Variants in SULT1E1 observed in about 807,000 individuals in gnomAD.
SULT1E1 encodes the protein sulfotransferase 1E1.
In SULT1E1, 36 loss-of-function variants were observed where a neutral mutation model predicts 33.6. The observed-to-expected ratio is 1.07, with a 90% CI of 0.82 to 1.41. The LOEUF (loss-of-function observed/expected upper bound fraction) is 1.41, where lower values mean the gene tolerates loss of function less well. SULT1E1 is among the 40% of genes most tolerant of loss of function. The pLI is 0.00. For synonymous variants in SULT1E1, 121 were observed against 111.7 expected (o/e 1.08, Z -0.53); for missense variants, 371 against 345.7 (o/e 1.07, Z -0.58).
rs1315010797 is a variant in SULT1E1 at position 69,857,615 on chromosome 4, C to A, written c.30G>T (p.Lys10Asn). The A allele has an allele frequency of 1.9e-6, 3 of 1,607,912 alleles. No homozygotes were observed. Among genetic ancestry groups the A allele is most frequent in the Non-Finnish European group, 8.5e-7 (1 of 1,178,254 alleles). The change falls in exon 2 of 8, where the codon AAG becomes AAT. Residue 10 changes from lysine (K) to asparagine (N), a missense_variant. Transcript: ENST00000226444. MNSELDYYE[K>N]FEEVHGILMY... is the part of the protein sequence containing the mutation. ...TTAGAATCCCATGGACTTCTTCAAA[C>A]TTTTCATAATAGTCAAGTTCAGAAT...
At position 69,846,346 on chromosome 4, in the gene SULT1E1, T is replaced by C. The variant is rs1720977646; in HGVS notation, c.591+1352A>G. Among the ~76,000 whole-genome samples the C allele has an allele frequency of 2.7e-5, 4 of 149,306 alleles. No individual in the cohort carries two copies. In the South Asian group the frequency reaches 8.4e-4, roughly 31 times the overall value. On this transcript the variant is annotated intron_variant, in intron 6 of 7. Transcript: ENST00000226444. ...AAGAAAAGAAAAGGAAAAAAACTGC[T>C]AATTTCAAATTATTATCTTCTCTAC...
chr4:69,838,926 T>C (rs539631267), downstream of SULT1E1, among the ~76,000 whole-genome samples: 1 of 152,358 alleles, frequency 6.6e-6, no homozygotes, highest in Non-Finnish European at 1.5e-5. Flanking sequence ...GTAGGTGAAA[T>C]TCTTCTGTAT....
At position 69,841,926 on chromosome 4, in the gene SULT1E1, T is replaced by A; in HGVS notation, c.*68A>T. The A allele has an allele frequency of 1.2e-6, 1 of 826,808 alleles. No individual in the cohort carries two copies. Among genetic ancestry groups the A allele is most frequent in the South Asian group, 1.8e-5 (1 of 55,634 alleles). 51.2% of individuals were successfully genotyped at this position (826,808 alleles called of 1,614,324 possible). On this transcript the variant is annotated 3_prime_UTR_variant, in exon 8 of 8. Transcript: ENST00000226444. ...TTATGTCTTTTCTAGCAATCTAAAA[T>A]AAGAAAAAGTGGAGAATAATGAAAA...
At chr4:69,827,228 A>G in the SULT1E1 span, among the ~76,000 whole-genome samples, 1 of 152,168 alleles carries the variant, frequency 6.6e-6, no homozygotes, top group Non-Finnish European at 1.5e-5. Flanking sequence ...CCTGGCCTTT[A>G]ATGAAAAGAA....
chr4:69,856,558 C>T (rs577577390), intron 2 of SULT1E1, among the ~76,000 whole-genome samples: 3 of 152,264 alleles, frequency 2.0e-5, no homozygotes, highest in Admixed American at 6.5e-5. Context: ...GAATAGCTCA[C>T]GGGTTTCCTC....
intron 2 of SULT1E1, among the ~76,000 whole-genome samples, chr4:69,856,913 G>A (rs1206222228): frequency 5.0e-5 from 6 of 120,972 alleles, no homozygotes; most frequent in African/African-American, 1.8e-4. Flanking sequence ...TCCAGCCTGG[G>A]AGACAGAGCG....
intron 7 of SULT1E1, 93 bp from the exon 8 acceptor site, chr4:69,842,199 A>G (rs2110064711): frequency 1.5e-6 from 1 of 687,520 alleles, no homozygotes. Flanking sequence ...CACCTAATCA[A>G]ATATTATACT....
At chr4:69,855,515 G>A (rs1487254285) in intron 2 of SULT1E1, 89 bp from the exon 3 acceptor site, 103 of 1,373,928 alleles carry the variant, frequency 7.5e-5, no homozygotes, top group Non-Finnish European at 9.6e-5. Flanking sequence ...AAAGTTGGAA[G>A]GTACCAATGC....
chr4:69,834,365 ACAGT>A, the SULT1E1 span, among the ~76,000 whole-genome samples: 1 of 152,200 alleles, frequency 6.6e-6, no homozygotes, highest in African/African-American at 2.4e-5. Context: ...TTTGTCAATG[ACAGT>A]CAGGCAATAT....
chr4:69,853,613 A>G (rs897334582), intron 4 of SULT1E1, among the ~76,000 whole-genome samples: 9 of 152,124 alleles, frequency 5.9e-5, no homozygotes, highest in Non-Finnish European at 8.8e-5. Context: ...TACTTGACCT[A>G]TGATACTTTT....
chr4:69,838,934 T>C (rs1222257495), downstream of SULT1E1, among the ~76,000 whole-genome samples: 1 of 152,256 alleles, frequency 6.6e-6, no homozygotes. Flanking sequence ...AATTCTTCTG[T>C]ATGGTATATT....
At chr4:69,839,684 C>T (rs1285332097), downstream of SULT1E1, among the ~76,000 whole-genome samples, 1 of 152,106 alleles carries the variant, frequency 6.6e-6, no homozygotes, top group Non-Finnish European at 1.5e-5. Flanking sequence ...ACATTGGCCA[C>T]CCCTATGTAT....
intron 6 of SULT1E1, among the ~76,000 whole-genome samples, chr4:69,846,520 T>C (rs888630895): frequency 2.0e-5 from 3 of 151,360 alleles, no homozygotes; most frequent in African/African-American, 7.3e-5. Flanking sequence ...GATTCTTTGG[T>C]ATATATATCT....
Position 69,841,946 on chromosome 4 carries a change from TGAAAA to T in SULT1E1, c.*43_*47del. The T allele has an allele frequency of 9.9e-7, 1 of 1,009,542 alleles. No individual in the cohort carries two copies. Among genetic ancestry groups the T allele is most frequent in the South Asian group, 1.5e-5 (1 of 66,670 alleles). The allele number at this position is 1,009,542 out of a possible 1,614,324, so 62.5% of individuals were successfully genotyped here. On this transcript the variant is annotated 3_prime_UTR_variant, in exon 8 of 8. Coordinates refer to ENST00000226444, the MANE Select transcript of SULT1E1 (RefSeq NM_005420.3). ...TAAAATAAGAAAAAGTGGAGAATAATGAAAAGAAATCTTTAATATCAGATATGTTA... is the reference window on the plus strand; with the variant it reads ...TAAAATAAGAAAAAGTGGAGAATAATGAAATCTTTAATATCAGATATGTTA...
At chr4:69,859,314 C>G (rs1721317207) in intron 1 of SULT1E1, among the ~76,000 whole-genome samples, 1 of 152,034 alleles carries the variant, frequency 6.6e-6, no homozygotes, top group African/African-American at 2.4e-5. Flanking sequence ...GCAAATACTC[C>G]CTATGTGAAT....
intron 6 of SULT1E1, among the ~76,000 whole-genome samples, chr4:69,845,919 C>T (rs992098876): frequency 9.9e-5 from 15 of 150,756 alleles, no homozygotes; most frequent in African/African-American, 3.6e-4. Context: ...TCTATAAATA[C>T]ATAATTTAAT....
chr4:69,825,056 C>A, the SULT1E1 span, among the ~76,000 whole-genome samples: 1 of 152,102 alleles, frequency 6.6e-6, no homozygotes, highest in Non-Finnish European at 1.5e-5. Flanking sequence ...CCAGGAGGAA[C>A]AAACAACTCC....
intron 6 of SULT1E1, among the ~76,000 whole-genome samples, chr4:69,844,916 G>A (rs900322057): frequency 2.6e-5 from 4 of 151,916 alleles, no homozygotes; most frequent in African/African-American, 7.2e-5. Flanking sequence ...AATACTAACC[G>A]CAATGTGTAT....
downstream of SULT1E1, among the ~76,000 whole-genome samples, chr4:69,840,176 C>G (rs1720857468): frequency 6.6e-6 from 1 of 152,028 alleles, no homozygotes; most frequent in Non-Finnish European, 1.5e-5. Flanking sequence ...CAAGACTCTC[C>G]AATTTTTGTA....
Sources: gnomAD v4.1 joint callset for allele counts (sites outside exome capture counted in the v4.1 genomes callset) on GRCh38, gnomAD v4.1.1 for gene constraint, MANE v1.5 for transcripts, NCBI Gene and HGNC (gene_info 2026-07-23, HGNC 2026-07-21) for gene names.